The following PCDH7 variants were observed in gnomAD, a reference collection of about 807,000 sequenced individuals.
PCDH7 encodes protocadherin-7.
A neutral mutation model predicts 58.9 loss-of-function variants in PCDH7; 17 were observed. The observed-to-expected ratio is 0.29, with a 90% CI of 0.20 to 0.43. The LOEUF (loss-of-function observed/expected upper bound fraction) is 0.43, where lower values mean the gene tolerates loss of function less well. Ranked by LOEUF, PCDH7 falls within the 20% of genes least tolerant of loss-of-function variation. PCDH7 has a pLI of 1.00. For synonymous variants in PCDH7, 664 were observed against 616.4 expected (o/e 1.08, Z -1.14); for missense variants, 1,274 against 1,441.0 (o/e 0.88, Z 1.88).
chr4:31,094,886 T>C (rs992506173), intron 3 of PCDH7, among the ~76,000 whole-genome samples: 1 of 151,958 alleles, frequency 6.6e-6, no homozygotes, highest in African/African-American at 2.4e-5. Context: ...GTTTGGAAGC[T>C]AGCATCAAAT....
At chr4:30,753,736 G>A (rs1451482112) in intron 1 of PCDH7, among the ~76,000 whole-genome samples, 1 of 152,130 alleles carries the variant, frequency 6.6e-6, no homozygotes, top group African/African-American at 2.4e-5. Context: ...GAATGAAGAA[G>A]ACATAAACAT....
intron 1 of PCDH7, among the ~76,000 whole-genome samples, chr4:30,796,602 C>G (rs1724805324): frequency 6.6e-6 from 1 of 152,246 alleles, no homozygotes; most frequent in Non-Finnish European, 1.5e-5. Context: ...ATTCCATACA[C>G]TGCTGCCTCA....
chr4:31,064,708 T>A (rs1418350087), intron 3 of PCDH7, among the ~76,000 whole-genome samples: 5 of 151,914 alleles, frequency 3.3e-5, no homozygotes, highest in Admixed American at 3.3e-4. Context: ...GCAATAGTCA[T>A]ATTGGACCCA....
chr4:30,732,005 C>T (rs576577198), exon 2 of PCDH7: 1 of 152,172 alleles, frequency 6.6e-6, no homozygotes, highest in South Asian at 2.1e-4. Flanking sequence ...TTTGGTGAAT[C>T]ACTCTCAATA....
intron 3 of PCDH7, among the ~76,000 whole-genome samples, chr4:30,994,773 C>T (rs2109128685): frequency 6.6e-6 from 1 of 152,178 alleles, no homozygotes; most frequent in South Asian, 2.1e-4. Flanking sequence ...CAATATTAAA[C>T]TTATAGTTTT....
intron 1 of PCDH7, among the ~76,000 whole-genome samples, chr4:30,776,979 G>A (rs964865394): frequency 2.0e-5 from 3 of 151,976 alleles, no homozygotes; most frequent in Admixed American, 2.0e-4. Flanking sequence ...TTCCCTACCT[G>A]AAAAGTGTTG....
chr4:30,798,963 G>A (rs764213836), intron 1 of PCDH7, among the ~76,000 whole-genome samples: 5 of 152,260 alleles, frequency 3.3e-5, no homozygotes, highest in Admixed American at 3.3e-4. Flanking sequence ...ACACAGTTCT[G>A]TAGTTTATAG....
intron 1 of PCDH7, among the ~76,000 whole-genome samples, chr4:30,798,713 C>T (rs1725120834): frequency 6.6e-6 from 1 of 152,118 alleles, no homozygotes. Flanking sequence ...TTAATGAAGT[C>T]ATGCCTAGGA....
At chr4:30,865,068 A>T (rs1042227968) in intron 1 of PCDH7, among the ~76,000 whole-genome samples, 1 of 152,052 alleles carries the variant, frequency 6.6e-6, no homozygotes, top group Non-Finnish European at 1.5e-5. Flanking sequence ...CACTGATCAT[A>T]CCCTACTAGT....
At chr4:30,927,154 T>G (rs976579433) in intron 2 of PCDH7, among the ~76,000 whole-genome samples, 2 of 152,328 alleles carry the variant, frequency 1.3e-5, no homozygotes, top group East Asian at 3.9e-4. Flanking sequence ...TGTGTGAATT[T>G]CAGCACTTGT....
intron 2 of PCDH7, among the ~76,000 whole-genome samples, chr4:30,939,772 CTA>C (rs1443769130): frequency 6.6e-6 from 1 of 152,082 alleles, no homozygotes; most frequent in African/African-American, 2.4e-5. Context: ...AGGAATCACT[CTA>C]GAATTATGCC....
chr4:30,877,937 T>C (rs1431831099), intron 1 of PCDH7, among the ~76,000 whole-genome samples: 1 of 152,168 alleles, frequency 6.6e-6, no homozygotes, highest in African/African-American at 2.4e-5. Context: ...CCTTATTTTA[T>C]TTTGTTTATA....
chr4:31,043,784 C>A (rs1756075352), intron 3 of PCDH7, among the ~76,000 whole-genome samples: 1 of 152,112 alleles, frequency 6.6e-6, no homozygotes, highest in Non-Finnish European at 1.5e-5. Flanking sequence ...ATAATAGTTT[C>A]TTTTGCTGTG....
chr4:31,070,266 G>C (rs1433002161), intron 3 of PCDH7, among the ~76,000 whole-genome samples: 1 of 151,982 alleles, frequency 6.6e-6, no homozygotes, highest in African/African-American at 2.4e-5. Flanking sequence ...CAAATACACA[G>C]GCTCATTCAA....
chr4:30,771,124 T>C (rs1479357155), intron 1 of PCDH7, among the ~76,000 whole-genome samples: 1 of 152,206 alleles, frequency 6.6e-6, no homozygotes, highest in Non-Finnish European at 1.5e-5. Context: ...TAAGTGCTAT[T>C]TGATCTATTT....
chr4:31,065,956 A>G (rs1051489838), intron 3 of PCDH7, among the ~76,000 whole-genome samples: 4 of 151,920 alleles, frequency 2.6e-5, no homozygotes, highest in African/African-American at 9.7e-5. Flanking sequence ...GATACATAAT[A>G]TTGGGTAATT....
intron 1 of PCDH7, among the ~76,000 whole-genome samples, chr4:30,812,581 T>C (rs1033557957): frequency 1.3e-5 from 2 of 152,132 alleles, no homozygotes; most frequent in African/African-American, 4.8e-5. Context: ...GTTAAGCTAT[T>C]TTCAAAATAT....
chr4:30,888,295 C>G (rs1487142802), intron 1 of PCDH7, among the ~76,000 whole-genome samples: 2 of 146,992 alleles, frequency 1.4e-5, no homozygotes, highest in Non-Finnish European at 3.0e-5. Context: ...CACACATACA[C>G]ACACACACAG....
chr4:30,841,283 C>A (rs1731181071), intron 1 of PCDH7, among the ~76,000 whole-genome samples: 1 of 151,966 alleles, frequency 6.6e-6, no homozygotes, highest in Non-Finnish European at 1.5e-5. Context: ...CAATTTGCTT[C>A]CTAGTAATAT....
Sources: allele counts gnomAD v4.1 joint callset (sites outside exome capture counted in the v4.1 genomes callset), GRCh38; gene constraint gnomAD v4.1.1; transcripts MANE v1.5; gene names NCBI Gene and HGNC (gene_info 2026-07-23, HGNC 2026-07-21).